The following MED12L variants were observed in gnomAD, a reference collection of about 807,000 sequenced individuals.
The protein encoded by MED12L is mediator of RNA polymerase II transcription subunit 12-like protein.
In MED12L, 60 loss-of-function variants were observed where a neutral mutation model predicts 281.3. That is an observed-to-expected ratio of 0.21 (90% confidence interval 0.17 to 0.26). MED12L has a LOEUF of 0.26. Among genes scored for constraint, MED12L ranks in the 10% least tolerant of loss-of-function variants. The probability of loss-of-function intolerance (pLI) is 1.00; values close to 1 mark genes in which losing one functional copy is unlikely to be tolerated. For synonymous variants in MED12L, 974 were observed against 987.2 expected, an observed-to-expected ratio of 0.99 and a Z score of 0.25; for missense variants, 2,146 against 2,680.9, an observed-to-expected ratio of 0.80 and a Z score of 4.41.
chr3:151,108,722 G>A (rs1359637421), intron 2 of MED12L, among the ~76,000 whole-genome samples: 2 of 152,142 alleles, frequency 1.3e-5, no homozygotes, highest in East Asian at 1.9e-4. Context: ...ACTAGGGGAC[G>A]GAAAAAATTG....
intron 16 of MED12L, among the ~76,000 whole-genome samples, chr3:151,332,320 C>CT (rs1238945319): frequency 1.4e-4 from 22 of 152,244 alleles, no homozygotes; most frequent in Admixed American, 2.6e-4. Context: ...GTAGGAACTC[C>CT]TATACTTCTA....
At chr3:151,271,998 C>T (rs1455977099) in intron 16 of MED12L, among the ~76,000 whole-genome samples, 3 of 152,258 alleles carry the variant, frequency 2.0e-5, no homozygotes, top group East Asian at 1.9e-4. Context: ...GTGGTTTATA[C>T]CCCAATATAA....
At chr3:151,351,129 CT>C (rs1753192637) in intron 17 of MED12L, among the ~76,000 whole-genome samples, 1 of 152,146 alleles carries the variant, frequency 6.6e-6, no homozygotes. Context: ...TTTATGGACT[CT>C]TCACAGGAGA....
At chr3:151,342,450 T>C (rs1751981960) in intron 16 of MED12L, among the ~76,000 whole-genome samples, 1 of 152,226 alleles carries the variant, frequency 6.6e-6, no homozygotes, top group Non-Finnish European at 1.5e-5. Context: ...GAGCAGCAGC[T>C]CTGCATCACT....
intron 16 of MED12L, among the ~76,000 whole-genome samples, chr3:151,228,971 C>T (rs1731075715): frequency 6.6e-6 from 1 of 152,192 alleles, no homozygotes; most frequent in African/African-American, 2.4e-5. Flanking sequence ...CTCAGATCTG[C>T]AGATCATGGG....
At chr3:151,250,491 A>G (rs984267929) in intron 16 of MED12L, among the ~76,000 whole-genome samples, 2 of 152,098 alleles carry the variant, frequency 1.3e-5, no homozygotes, top group East Asian at 3.9e-4. Flanking sequence ...GAAGTTGAAT[A>G]CTCTAGCTAT....
chr3:151,249,254 C>G (rs1736379968), intron 16 of MED12L: 1 of 152,114 alleles, frequency 6.6e-6, no homozygotes, highest in African/African-American at 2.4e-5. Flanking sequence ...TAGATCTTTC[C>G]CATGCTTGTT....
intron 17 of MED12L, among the ~76,000 whole-genome samples, chr3:151,351,440 C>A (rs1190890451): frequency 6.6e-6 from 1 of 152,202 alleles, no homozygotes; most frequent in African/African-American, 2.4e-5. Context: ...AATACCTCAG[C>A]TCTCTGAGGA....
intron 5 of MED12L, among the ~76,000 whole-genome samples, chr3:151,131,272 T>G (rs1576792078): frequency 6.6e-6 from 1 of 152,218 alleles, no homozygotes; most frequent in Non-Finnish European, 1.5e-5. Context: ...GCAGGAATGA[T>G]TTTTACAACT....
Position 151,338,343 on chromosome 3 carries a change from C to T in MED12L, c.2251-11716C>T, listed in dbSNP as rs1751318028. The T allele has an allele frequency of 6.2e-7, 1 of 1,614,108 alleles. No individual in the cohort carries two copies. The stretch of plus-strand genomic sequence containing the variant: ...AGAGCATTTCTTCACATTCTTGTCT[C>T]TCGGCTGCCTGTTGGTCAGAATCAT... On this transcript the variant is annotated intron_variant, in intron 16 of 44. Coordinates refer to ENST00000687756, the MANE Select transcript of MED12L (RefSeq NM_001393769.1).
chr3:151,379,856 G>A (rs1458762445), intron 31 of MED12L, among the ~76,000 whole-genome samples: 1 of 152,190 alleles, frequency 6.6e-6, no homozygotes, highest in East Asian at 1.9e-4. Context: ...CTCACTGCCC[G>A]GCATGCTCAC....
At chr3:151,153,931 G>A (rs1256376297) in intron 5 of MED12L, among the ~76,000 whole-genome samples, 1 of 152,058 alleles carries the variant, frequency 6.6e-6, no homozygotes, top group Non-Finnish European at 1.5e-5. Context: ...ATTAGAAACT[G>A]ATGGGTTGGG....
Position 151,389,897 on chromosome 3 carries a change from G to C in MED12L, c.5452-82G>C, listed in dbSNP as rs749742136. On this transcript the variant is annotated intron_variant, in intron 37 of 44. Transcript: ENST00000687756. ...GTACATTGGGATAGGAGGTACCTCA[G>C]ATAGCTTACTGAAGTTATTTGCATT... 3 of 1,411,812 alleles carry C rather than the reference G, an allele frequency of 2.1e-6. 1 individual carries two copies. The South Asian group carries it at 3.7e-5, about 17-fold the overall frequency. The allele number at this position is 1,411,812 out of a possible 1,614,324, so 87.5% of individuals were successfully genotyped here. A position where few individuals can be genotyped will look rare whatever the true frequency, so the allele number is the denominator to read the frequency against.
intron 16 of MED12L, chr3:151,213,868 A>C: frequency 6.2e-7 from 1 of 1,613,992 alleles, no homozygotes; most frequent in East Asian, 2.2e-5. Context: ...AGCAAGGAGG[A>C]GCATGAGCAT....
Position 151,271,546 on chromosome 3 carries a change from A to G in MED12L, c.2250+77880A>G, listed in dbSNP as rs895098085. ...AAAGTGTATGTCCATAGAAAGACTTATATTAGAATATTCATAGCAACTCTT... is the reference window on the plus strand; with the variant it reads ...AAAGTGTATGTCCATAGAAAGACTTGTATTAGAATATTCATAGCAACTCTT... On this transcript the variant is annotated intron_variant, in intron 16 of 44. Coordinates refer to ENST00000687756, the MANE Select transcript of MED12L (RefSeq NM_001393769.1). Among the ~76,000 whole-genome samples, 10 of 152,278 alleles carry G rather than the reference A, an allele frequency of 6.6e-5. No individual in the cohort carries two copies. The South Asian group carries it at 1.4e-3, about 22-fold the overall frequency.
chr3:151,237,045 CTTTTTTT>C (rs56926535), intron 16 of MED12L, among the ~76,000 whole-genome samples: 4 of 125,866 alleles, frequency 3.2e-5, no homozygotes, highest in East Asian at 2.3e-4. Context: ...TGATGCCAAA[CTTTTTTT>C]TTTTTTTTTT....
At chr3:151,309,742 C>T (rs773721606) in intron 16 of MED12L, among the ~76,000 whole-genome samples, 1 of 152,184 alleles carries the variant, frequency 6.6e-6, no homozygotes, top group Non-Finnish European at 1.5e-5. Flanking sequence ...AGTGTCCTTG[C>T]ATCCTTTTAT....
intron 16 of MED12L, chr3:151,338,702 C>A: frequency 1.9e-6 from 3 of 1,613,486 alleles, no homozygotes; most frequent in South Asian, 1.1e-5. Context: ...GAAAGAAAAT[C>A]CTCATCGCCA....
rs904715198 is a variant in MED12L at position 151,394,683 on chromosome 3, C to T, written c.5636C>T (p.Ser1879Phe). The change falls in exon 39 of 45, where the codon TCC (serine) becomes TTC (phenylalanine). Residue 1879 changes from serine (S) to phenylalanine (F), a missense_variant. Coordinates refer to ENST00000687756, the MANE Select transcript of MED12L (RefSeq NM_001393769.1). ...PGGSRLDPAG[S>F]FVPTNTKQAL... is the part of the protein sequence containing the mutation. ...GGCTCCAGATTGGACCCTGCAGGCT[C>T]CTTTGTCCCAACCAACACCAAACAA... 1 of 1,614,118 alleles carries T rather than the reference C, an allele frequency of 6.2e-7. No individual in the cohort carries two copies. The highest frequency in any genetic ancestry group is 1.3e-5 in the African/African-American group (1 of 74,944).
Sources: allele counts gnomAD v4.1 joint callset (sites outside exome capture counted in the v4.1 genomes callset), GRCh38; gene constraint gnomAD v4.1.1; transcripts MANE v1.5; gene names NCBI Gene and HGNC (gene_info 2026-07-23, HGNC 2026-07-21).